Variants in CYP4F11 observed in about 807,000 individuals in gnomAD.
The protein encoded by CYP4F11 is cytochrome P450 family 4 subfamily F member 11, also known as cytochrome P450 4F11.
A neutral mutation model predicts 62.2 loss-of-function variants in CYP4F11; 79 were observed. The observed-to-expected ratio is 1.27, with a 90% CI of 1.06 to 1.53. The LOEUF (loss-of-function observed/expected upper bound fraction) is 1.53. Ranked by LOEUF, CYP4F11 falls within the 40% of genes most tolerant of loss-of-function variation. The pLI, the probability that CYP4F11 is intolerant of heterozygous loss-of-function variation, is 0.00. For synonymous variants in CYP4F11, 290 were observed against 263.7 expected (o/e 1.10, Z -0.97); for missense variants, 777 against 680.5 (o/e 1.14, Z -1.58).
intron 6 of CYP4F11, among the ~76,000 whole-genome samples, chr19:15,922,958 G>A (rs756288093): frequency 9.2e-5 from 14 of 152,124 alleles, no homozygotes; most frequent in Non-Finnish European, 1.3e-4. Context: ...GGCTGAGGCA[G>A]GAGAATCACT....
At chr19:15,927,564 G>T in intron 2 of CYP4F11, 81 bp from the exon 3 acceptor site, 1 of 1,583,072 alleles carries the variant, frequency 6.3e-7, no homozygotes, top group South Asian at 1.1e-5. Flanking sequence ...TCCCAGCCAG[G>T]GGTGTGCACT....
chr19:15,924,613 T>G, intron 5 of CYP4F11, 148 bp downstream of exon 5: 1 of 818,178 alleles, frequency 1.2e-6, no homozygotes, highest in Non-Finnish European at 1.9e-6. Context: ...TACTGTCTCT[T>G]TCCCCCTCCC....
In CYP4F11 at chr19:15,912,675, A is replaced by AGAAAAAAAC. The variant is rs1555776514; in HGVS notation, c.*1056_*1057insGTTTTTTTC. 1.3e-5 allele frequency: 1 copy of AGAAAAAAAC among 78,856 alleles called. No individual in the cohort carries two copies. The highest frequency in any genetic ancestry group is 1.5e-4 in the Admixed American group (1 of 6,538). The allele number at this position is 78,856 out of a possible 1,614,324, so 4.9% of individuals were successfully genotyped here. A position where few individuals can be genotyped will look rare whatever the true frequency, so the allele number is the denominator to read the frequency against. ...TACCTTCACCATCCTCAGGAAAAAA[A>AGAAAAAAAC]AAAAAATATATATATATATATATGT... On this transcript the variant is annotated 3_prime_UTR_variant, in exon 12 of 12. Transcript: ENST00000402119.
intron 5 of CYP4F11, 129 bp from the exon 6 acceptor site, chr19:15,924,211 C>G: frequency 2.5e-6 from 3 of 1,208,260 alleles, no homozygotes; most frequent in Non-Finnish European, 3.5e-6. Flanking sequence ...TCTCCAAACT[C>G]TCTTCTCTGA....
chr19:15,912,755 G>GTGTGTATATATATGTA lies in CYP4F11; in HGVS notation c.*976_*977insTACATATATATACACA, dbSNP rs1202236542. The stretch of plus-strand genomic sequence containing the variant: ...TGTGTATATGTATATATGTGTGTGT[G>GTGTGTATATATATGTA]TGTGTGTGTGTGTGTGTATATATAT... On this transcript the variant is annotated 3_prime_UTR_variant, in exon 12 of 12. Transcript: ENST00000402119. 64 of 17,098 alleles carry GTGTGTATATATATGTA rather than the reference G, an allele frequency of 3.7e-3. 3 individuals are homozygous for GTGTGTATATATATGTA. Among genetic ancestry groups the GTGTGTATATATATGTA allele is most frequent in the African/African-American group, 0.01 (60 of 5,858 alleles). 1.1% of individuals were successfully genotyped at this position (17,098 alleles called of 1,614,324 possible). A position where few individuals can be genotyped will look rare whatever the true frequency, so the allele number is the denominator to read the frequency against.
At chr19:15,930,823 C>T (rs1317303989) in intron 1 of CYP4F11, among the ~76,000 whole-genome samples, 4 of 152,130 alleles carry the variant, frequency 2.6e-5, no homozygotes, top group Admixed American at 6.5e-5. Flanking sequence ...TCCCCACCAG[C>T]GGCTGTTCCT....
intron 8 of CYP4F11, among the ~76,000 whole-genome samples, chr19:15,919,578 T>C (rs1421993117): frequency 2.6e-5 from 4 of 152,156 alleles, no homozygotes; most frequent in African/African-American, 9.6e-5. Flanking sequence ...GAGACCCCTT[T>C]AGGGAAAGCG....
intron 8 of CYP4F11, among the ~76,000 whole-genome samples, chr19:15,917,463 T>C (rs949672481): frequency 6.6e-6 from 1 of 152,026 alleles, no homozygotes; most frequent in African/African-American, 2.4e-5. Context: ...CAGTAACAAA[T>C]GTAGCATGGC....
intron 1 of CYP4F11, among the ~76,000 whole-genome samples, chr19:15,931,657 TGAGC>T (rs1568257620): frequency 1.9e-5 from 1 of 52,730 alleles, no homozygotes. Context: ...GAGGAATGAG[TGAGC>T]GAGGAGAGGA....
intron 6 of CYP4F11, among the ~76,000 whole-genome samples, chr19:15,923,238 C>CCTCTCTCTCTCTCTCTCTCT (rs3056063): frequency 4.8e-4 from 53 of 110,504 alleles, no homozygotes; most frequent in African/African-American, 1.7e-3. Flanking sequence ...AAGCAAACAT[C>CCTCTCTCTCTCTCTCTCTCT]CTCTCTCTCT....
intron 8 of CYP4F11, among the ~76,000 whole-genome samples, chr19:15,919,521 T>TGGATAGAC (rs1555777249): frequency 6.8e-6 from 1 of 146,074 alleles, no homozygotes; most frequent in African/African-American, 2.5e-5. Context: ...GATAGATAGA[T>TGGATAGAC]AGACAGATAG....
intron 1 of CYP4F11, among the ~76,000 whole-genome samples, 179 bp downstream of exon 1, chr19:15,934,005 CAGAGGAATGAGTGAGTGGGCAGAGGAA>C: frequency 5.3e-5 from 2 of 37,982 alleles, no homozygotes; most frequent in South Asian, 1.1e-3. Context: ...AGTGAGTGGG[CAGAGGAATGAGTGAGTGGGCAGAGGAA>C]TGAGTGAGCG....
In CYP4F11 at chr19:15,925,093, A is replaced by G. The variant is rs149522474; in HGVS notation, c.526-211T>C. ...GCTGGGAGTCGAGAGATCTGGGTTC[A>G]AGTCCCAGTTCAGCCTCCTATGGTC... On this transcript the variant is annotated intron_variant, in intron 4 of 11. Coordinates refer to ENST00000402119, the MANE Select transcript of CYP4F11 (RefSeq NM_021187.4). Among the ~76,000 whole-genome samples the G allele has an allele frequency of 3.7e-3, 567 of 152,256 alleles. 1 individual carries two copies. The highest frequency in any genetic ancestry group is 0.012 in the African/African-American group (505 of 41,552).
At position 15,914,806 on chromosome 19, in the gene CYP4F11, C is replaced by A. The variant is rs1393566661; in HGVS notation, c.1205G>T (p.Cys402Phe). The change falls in exon 9 of 12, where the codon TGC (cysteine) becomes TTC (phenylalanine). Residue 402 changes from cysteine (C) to phenylalanine (F), a missense_variant. Transcript: ENST00000402119. ...HPPVPVISRC[C>F]TQDFVLPDGR... is the part of the protein sequence containing the mutation. ...GTCTGGGAGCACAAAGTCCTGCGTG[C>A]AACATCGGGAGATGACCGGGACTGG... 2 of 1,614,034 alleles carry A rather than the reference C, an allele frequency of 1.2e-6. No individual in the cohort carries two copies. The highest frequency in any genetic ancestry group is 2.7e-5 in the African/African-American group (2 of 74,890).
intron 4 of CYP4F11, 87 bp from the exon 5 acceptor site, chr19:15,924,969 A>C (rs1172974668): frequency 2.8e-6 from 4 of 1,441,906 alleles, no homozygotes; most frequent in South Asian, 1.3e-5. Context: ...GACTCCCTGC[A>C]ATCATCCTCC....
chr19:15,926,268 G>A (rs2089668233), intron 4 of CYP4F11, among the ~76,000 whole-genome samples: 1 of 152,086 alleles, frequency 6.6e-6, no homozygotes. Context: ...GCACCCCGTG[G>A]GATTTAAGTG....
chr19:15,917,879 G>A (rs931328356), intron 8 of CYP4F11, among the ~76,000 whole-genome samples: 1 of 152,144 alleles, frequency 6.6e-6, no homozygotes, highest in Non-Finnish European at 1.5e-5. Context: ...TTAGTGTGGT[G>A]AGTCCTCAAA....
chr19:15,925,459 A>G (rs988386504), intron 4 of CYP4F11, among the ~76,000 whole-genome samples: 1 of 151,986 alleles, frequency 6.6e-6, no homozygotes, highest in East Asian at 1.9e-4. Context: ...CTATAAATTC[A>G]TTTCAAAAAT....
rs770840051 is a variant in CYP4F11, at chr19:15,927,300, C to T, written c.437G>A (p.Arg146His). The change falls in exon 4 of 12, where the codon CGC becomes CAC. Residue 146 changes from arginine to histidine, a missense_variant. Physicochemically the swap from Arg to His is conservative, Grantham distance 29 (BLOSUM62 0). Transcript: ENST00000402119. ...GGCAGGCGTCAACATCCGACGGTGGCGGCTCCACTTGTCACCACCACTCAG... is the reference window on the plus strand; with the variant it reads ...GGCAGGCGTCAACATCCGACGGTGGTGGCTCCACTTGTCACCACCACTCAG... ...LLLSGGDKWS[R>H]HRRMLTPAFH... 9.3e-6 allele frequency: 15 copies of T among 1,614,108 alleles called. No individual in the cohort carries two copies. The highest frequency in any genetic ancestry group is 8.9e-5 in the East Asian group (4 of 44,884).
Sources: gnomAD v4.1 joint callset for allele counts (sites outside exome capture counted in the v4.1 genomes callset) on GRCh38, gnomAD v4.1.1 for gene constraint, MANE v1.5 for transcripts, NCBI Gene and HGNC (gene_info 2026-07-23, HGNC 2026-07-21) for gene names.